Variants in P2RY12 observed in about 807,000 individuals in gnomAD.
P2RY12 encodes purinergic receptor P2Y12, also known as P2Y purinoceptor 12.
Under a neutral mutation model 4.5 loss-of-function variants are expected in P2RY12, and 3 were observed. That is an observed-to-expected ratio of 0.67 (90% confidence interval 0.31 to 1.74). P2RY12 has a LOEUF of 1.74. P2RY12 is among the 40% of genes most tolerant of loss of function. The probability of loss-of-function intolerance (pLI) is 0.09; values close to 1 mark genes in which losing one functional copy is unlikely to be tolerated. For synonymous variants in P2RY12, 148 were observed against 154.1 expected (o/e 0.96, Z 0.29); for missense variants, 356 against 407.8 (o/e 0.87, Z 1.09).
Position 151,338,051 on chromosome 3 carries a change from C to T in P2RY12, c.795G>A (p.Arg265=), listed in dbSNP as rs1044617522. 7.4e-6 allele frequency: 12 copies of T among 1,613,898 alleles called. No individual in the cohort carries two copies. The highest frequency in any genetic ancestry group is 1.0e-5 in the Non-Finnish European group (12 of 1,179,986). Residue 265 remains arginine (R), a synonymous_variant, in exon 3 of 3, where the codon CGG becomes CGA. Transcript: ENST00000302632. ...TTTCAGCAGTGCAGTCAAAGACATC[C>T]CGGGTTTGGCTCAGGGTGTAAGGAA... is the stretch of plus-strand genomic sequence containing the variant. ...ARIPYTLSQT[R]DVFDCTAENT... is the part of the protein sequence containing the mutation.
chr3:151,368,686 T>TG (rs1755725243), intron 1 of P2RY12, among the ~76,000 whole-genome samples: 1 of 45,774 alleles, frequency 2.2e-5, no homozygotes, highest in Non-Finnish European at 3.9e-5. Context: ...TGTCATTTCA[T>TG]TTTATTTCAT....
chr3:151,359,532 C>A (rs1000390935), intron 1 of P2RY12, among the ~76,000 whole-genome samples: 13 of 152,228 alleles, frequency 8.5e-5, no homozygotes, highest in African/African-American at 2.6e-4. Context: ...TTTGCCCTTT[C>A]CCCTGAATAG....
chr3:151,368,911 A>AC (rs1360130087), intron 1 of P2RY12, among the ~76,000 whole-genome samples: 1 of 151,374 alleles, frequency 6.6e-6, no homozygotes, highest in African/African-American at 2.4e-5. Context: ...ATAGGCATGC[A>AC]CCACCATGCC....
chr3:151,355,116 T>C (rs1478342181), intron 1 of P2RY12: 1 of 1,604,526 alleles, frequency 6.2e-7, no homozygotes, highest in South Asian at 1.1e-5. Context: ...TTTATGTTTA[T>C]GTAGTTGGGG....
intron 1 of P2RY12, among the ~76,000 whole-genome samples, chr3:151,354,931 C>A (rs1032339879): frequency 2.0e-5 from 3 of 152,064 alleles, no homozygotes; most frequent in Non-Finnish European, 2.9e-5. Context: ...CCTAGAGAGG[C>A]CTGAGGGAGT....
chr3:151,347,679 G>C (rs547230947), intron 1 of P2RY12, among the ~76,000 whole-genome samples: 2 of 152,228 alleles, frequency 1.3e-5, no homozygotes, highest in South Asian at 4.1e-4. Flanking sequence ...AGTTCGGTGT[G>C]GGTGTGGGGG....
chr3:151,348,431 C>A (rs989317185), intron 1 of P2RY12, among the ~76,000 whole-genome samples: 3 of 151,512 alleles, frequency 2.0e-5, no homozygotes, highest in Non-Finnish European at 4.4e-5. Flanking sequence ...AGCAGCTCAG[C>A]TCATTCAGAT....
chr3:151,358,110 T>C (rs1344718117), intron 1 of P2RY12, among the ~76,000 whole-genome samples: 1 of 152,216 alleles, frequency 6.6e-6, no homozygotes, highest in Non-Finnish European at 1.5e-5. Flanking sequence ...ATAGTACCTT[T>C]TATTTTTTTA....
At chr3:151,363,019 T>C (rs73157991) in intron 1 of P2RY12, among the ~76,000 whole-genome samples, 16,945 of 152,114 alleles carry the variant, frequency 0.11, 1,246 homozygotes, top group Middle Eastern at 0.18. Flanking sequence ...ACAGCCCCAG[T>C]AGCCTATTTG....
intron 1 of P2RY12, chr3:151,377,204 AC>A: frequency 6.3e-7 from 1 of 1,584,078 alleles, no homozygotes; most frequent in South Asian, 1.1e-5. Flanking sequence ...GTTTTATTGA[AC>A]TGTCATGAAT....
rs111975495 is a variant in P2RY12 at position 151,378,477 on chromosome 3, A to G, written c.-180+6215T>C. Among the ~76,000 whole-genome samples the G allele has an allele frequency of 5.9e-3, 890 of 152,028 alleles. 8 individuals are homozygous for G. Among genetic ancestry groups the G allele is most frequent in the South Asian group, 0.023 (109 of 4,818 alleles). Reference sequence around the variant, plus strand: ...ATCTGGATAGCTACCTGATCCCTGTATTTTATTTTTAATTATTTCTATTTT... The same window carrying G: ...ATCTGGATAGCTACCTGATCCCTGTGTTTTATTTTTAATTATTTCTATTTT... On this transcript the variant is annotated intron_variant, in intron 1 of 2. Transcript: ENST00000302632.
At chr3:151,355,584 A>G (rs961224507) in intron 1 of P2RY12, among the ~76,000 whole-genome samples, 3 of 152,196 alleles carry the variant, frequency 2.0e-5, no homozygotes, top group Admixed American at 6.5e-5. Flanking sequence ...AAGAAAACAC[A>G]TCTGTTTTGC....
chr3:151,382,200 G>A (rs1461609290), intron 1 of P2RY12, among the ~76,000 whole-genome samples: 7 of 152,082 alleles, frequency 4.6e-5, no homozygotes, highest in Admixed American at 2.6e-4. Flanking sequence ...TATCAAGGAA[G>A]ACACATACAT....
chr3:151,346,032 G>A (rs565475074), intron 1 of P2RY12, among the ~76,000 whole-genome samples: 93 of 152,236 alleles, frequency 6.1e-4, no homozygotes, highest in African/African-American at 2.2e-3. Flanking sequence ...ACTACGTGCT[G>A]CTTTTGCTTT....
At chr3:151,374,150 A>G (rs150923971) in intron 1 of P2RY12, among the ~76,000 whole-genome samples, 15 of 152,308 alleles carry the variant, frequency 9.8e-5, no homozygotes, top group South Asian at 2.1e-4. Context: ...GTTTAATTCT[A>G]TGATACATCT....
At chr3:151,351,357 G>A (rs577965632) in intron 1 of P2RY12, among the ~76,000 whole-genome samples, 1 of 152,328 alleles carries the variant, frequency 6.6e-6, no homozygotes, top group South Asian at 2.1e-4. Flanking sequence ...TCAGAACACA[G>A]TGGGAAAGTT....
rs1228560462 is a variant in P2RY12, at chr3:151,337,862, T to A, written c.984A>T (p.Lys328Asn). 1.2e-6 allele frequency: 2 copies of A among 1,614,010 alleles called. No homozygotes were observed. Among genetic ancestry groups the A allele is most frequent in the Non-Finnish European group, 1.7e-6 (2 of 1,179,992 alleles). Residue 328 changes from lysine (K) to asparagine (N), a missense_variant, in exon 3 of 3, where the codon AAA becomes AAT. Lys to Asn is a moderately conservative substitution (Grantham distance 94). Coordinates refer to ENST00000302632, the MANE Select transcript of P2RY12 (RefSeq NM_022788.5). ...SATSLSQDNR[K>N]KEQDGGDPNE... ...TTGGGTCACCACCATCCTGTTCTTT[T>A]TTCCTATTGTCCTGGGACAGAGATG...
intron 1 of P2RY12, among the ~76,000 whole-genome samples, chr3:151,370,758 G>A (rs9844557): frequency 0.12 from 18,605 of 152,236 alleles, 1,382 homozygotes; most frequent in Middle Eastern, 0.18. Flanking sequence ...CATCAGAGAA[G>A]CTAGCAAAGA....
chr3:151,345,367 C>T (rs796811983), intron 1 of P2RY12, among the ~76,000 whole-genome samples: 2 of 152,262 alleles, frequency 1.3e-5, no homozygotes, highest in South Asian at 2.1e-4. Context: ...TACAACTGTG[C>T]AACTTGAGGG....
Sources: gnomAD v4.1 joint callset for allele counts (sites outside exome capture counted in the v4.1 genomes callset) on GRCh38, gnomAD v4.1.1 for gene constraint, MANE v1.5 for transcripts, NCBI Gene and HGNC (gene_info 2026-07-23, HGNC 2026-07-21) for gene names.